Variants in ALDH1L2 observed in about 807,000 individuals in gnomAD.
ALDH1L2 encodes mitochondrial 10-formyltetrahydrofolate dehydrogenase.
Under a neutral mutation model 111.0 loss-of-function variants are expected in ALDH1L2, and 91 were observed. The observed-to-expected ratio is 0.82, with a 90% confidence interval of 0.69 to 0.98. The LOEUF (loss-of-function observed/expected upper bound fraction) is 0.98, where lower values mean the gene tolerates loss of function less well. Ranked by LOEUF, ALDH1L2 falls within the 50% of genes least tolerant of loss-of-function variation. The pLI is 0.00. For missense variants in ALDH1L2, 995 were observed against 1,126.8 expected, an observed-to-expected ratio of 0.88 and a Z score of 1.67; for synonymous variants, 374 against 392.6, an observed-to-expected ratio of 0.95 and a Z score of 0.56.
At chr12:105,058,454 A>C (rs936653702) in intron 9 of ALDH1L2, among the ~76,000 whole-genome samples, 1 of 152,220 alleles carries the variant, frequency 6.6e-6, no homozygotes, top group African/African-American at 2.4e-5. Flanking sequence ...ATGACTAAAA[A>C]TAAAAGCAAT....
chr12:105,046,978 T>A lies in ALDH1L2; in HGVS notation c.1687-9A>T. 3.7e-6 allele frequency: 6 copies of A among 1,612,406 alleles called. No individual in the cohort carries two copies. The highest frequency in any genetic ancestry group is 5.1e-6 in the Non-Finnish European group (6 of 1,178,490). On this transcript the variant is annotated splice_polypyrimidine_tract_variant and intron_variant, in intron 13 of 22. Coordinates refer to ENST00000258494, the MANE Select transcript of ALDH1L2 (RefSeq NM_001034173.4). ...ATTGGAATAGTAGAACCCTAAAGAA[T>A]GAGAAAAGTTGATACTTATTTTACT...
intron 1 of ALDH1L2, among the ~76,000 whole-genome samples, chr12:105,077,419 C>T (rs1475300026): frequency 3.3e-5 from 5 of 151,788 alleles, no homozygotes; most frequent in South Asian, 2.1e-4. Flanking sequence ...TACAGGCGCA[C>T]GCCGTCATGC....
At chr12:105,034,482 G>A (rs1029629133) in intron 18 of ALDH1L2, 84 bp from the exon 19 acceptor site, 13 of 1,226,972 alleles carry the variant, frequency 1.1e-5, no homozygotes, top group Non-Finnish European at 1.5e-5. Flanking sequence ...GGAGTTAGTT[G>A]TTTTTGGAAG....
Position 105,083,713 on chromosome 12 carries a change from GT to G in ALDH1L2, c.48+675del, listed in dbSNP as rs903159519. On this transcript the variant is annotated intron_variant, in intron 1 of 22. Coordinates refer to ENST00000258494, the MANE Select transcript of ALDH1L2 (RefSeq NM_001034173.4). ...CCGCAGTGCAACGTGTCCTCTCTCGGTTCCATTTCTGGAGGAGCTGATGCAA... is the reference window on the plus strand; with the variant it reads ...CCGCAGTGCAACGTGTCCTCTCTCGGTCCATTTCTGGAGGAGCTGATGCAA... Among the ~76,000 whole-genome samples, 79 of 152,096 alleles carry G rather than the reference GT, an allele frequency of 5.2e-4. 1 individual carries two copies. The highest frequency in any genetic ancestry group is 4.2e-4 in the South Asian group (2 of 4,808).
chr12:105,057,432 A>G (rs74481628), intron 10 of ALDH1L2, among the ~76,000 whole-genome samples: 2,282 of 152,294 alleles, frequency 0.015, 23 homozygotes, highest in Non-Finnish European at 0.023. Flanking sequence ...AGACTTGAAA[A>G]CATATGTTCA....
chr12:105,084,419 G>C lies in ALDH1L2; in HGVS notation c.18C>G (p.Ser6Arg), dbSNP rs1878496081. 6.7e-7 allele frequency: 1 copy of C among 1,493,984 alleles called. No individual in the cohort carries two copies. The allele number at this position is 1,493,984 out of a possible 1,614,324, so 92.5% of individuals were successfully genotyped here. A position where few individuals can be genotyped will look rare whatever the true frequency, so the allele number is the denominator to read the frequency against. Reference protein sequence around the residue: MLRRGSQALRRFSTGR... With the variant: MLRRGRQALRRFSTGR... ...CAGTGGAGAAGCGCCGGAGCGCCTG[G>C]CTGCCCCGCCGCAGCATGCTGGAGA... is the stretch of plus-strand genomic sequence containing the variant. The change falls in exon 1 of 23, where the codon AGC (serine) becomes AGG (arginine). Residue 6 changes from serine to arginine, a missense_variant. By Grantham distance (110) the Ser-to-Arg change is moderately radical. Transcript: ENST00000258494.
rs1024085294 is a variant in ALDH1L2 at position 105,052,211 on chromosome 12, A to G, written c.1414T>C (p.Cys472Arg). 6.2e-7 allele frequency: 1 copy of G among 1,601,376 alleles called. No individual in the cohort carries two copies. Among genetic ancestry groups the G allele is most frequent in the Non-Finnish European group, 8.5e-7 (1 of 1,175,544 alleles). ...GCCAAAGAAGCGTAGGATACTTTGC[A>G]TATTGTCTATTTCAAGGTAAGTAAA... Reference protein sequence around the residue: ...TINPTDGSTICKVSYASLADV... With the variant: ...TINPTDGSTIRKVSYASLADV... Residue 472 changes from cysteine (C) to arginine (R), a missense_variant, in exon 12 of 23, where the codon TGC becomes CGC. Physicochemically the swap from Cys to Arg is radical, Grantham distance 180 (BLOSUM62 -3). Coordinates refer to ENST00000258494, the MANE Select transcript of ALDH1L2 (RefSeq NM_001034173.4).
At chr12:105,044,373 G>A (rs1875715258) in intron 15 of ALDH1L2, among the ~76,000 whole-genome samples, 1 of 134,024 alleles carries the variant, frequency 7.5e-6, no homozygotes, top group African/African-American at 2.7e-5. Flanking sequence ...CCAATGCGTG[G>A]TCTCCAACTC....
chr12:105,074,457 C>CAAAAAAAAAAAAAAAAAAA (rs1565974203), intron 1 of ALDH1L2, among the ~76,000 whole-genome samples: 4 of 93,678 alleles, frequency 4.3e-5, no homozygotes, highest in African/African-American at 6.7e-5. Context: ...GACTCTGTCT[C>CAAAAAAAAAAAAAAAAAAA]CAAAAAAAAA....
intron 10 of ALDH1L2, 29 bp from the exon 11 acceptor site, chr12:105,052,960 G>A (rs113526714): frequency 1.2e-6 from 2 of 1,609,306 alleles, no homozygotes; most frequent in African/African-American, 2.7e-5. Context: ...TAGATTCAAT[G>A]GATTTCCGTG....
chr12:105,069,144 G>A (rs1877540504), intron 3 of ALDH1L2, among the ~76,000 whole-genome samples: 1 of 152,068 alleles, frequency 6.6e-6, no homozygotes, highest in South Asian at 2.1e-4. Flanking sequence ...ATTTAAAAAG[G>A]CATTAGAGTC....
chr12:105,048,724 T>G (rs1876069083), intron 13 of ALDH1L2: 1 of 152,126 alleles, frequency 6.6e-6, no homozygotes, highest in Non-Finnish European at 1.5e-5. Flanking sequence ...TTTATCAAAG[T>G]TTTTCTTTAA....
chr12:105,044,600 G>GGCCGGGCGCGGTGGCTCACGCCTGTA (rs1197117266), intron 15 of ALDH1L2, among the ~76,000 whole-genome samples: 118 of 121,886 alleles, frequency 9.7e-4, no homozygotes, highest in Admixed American at 1.1e-3. Flanking sequence ...AAGAGTGGGA[G>GGCCGGGCGCGGTGGCTCACGCCTGTA]ACAGTACTCT....
At chr12:105,035,022 C>T (rs551127228) in intron 18 of ALDH1L2, among the ~76,000 whole-genome samples, 64 of 152,102 alleles carry the variant, frequency 4.2e-4, no homozygotes, top group African/African-American at 1.5e-3. Context: ...CTAGATTATT[C>T]TCTTCTTAAA....
At chr12:105,063,967 C>CCTT in intron 6 of ALDH1L2, among the ~76,000 whole-genome samples, 1 of 135,490 alleles carries the variant, frequency 7.4e-6, no homozygotes, top group South Asian at 2.3e-4. Context: ...TGTATTAATT[C>CCTT]TTTTTTTTTT....
intron 16 of ALDH1L2, among the ~76,000 whole-genome samples, chr12:105,040,314 G>A (rs1875455535): frequency 6.6e-6 from 1 of 151,898 alleles, no homozygotes; most frequent in African/African-American, 2.4e-5. Context: ...AAATAATGAT[G>A]GGTAAGCCTT....
intron 15 of ALDH1L2, among the ~76,000 whole-genome samples, chr12:105,045,126 C>T (rs2136066803): frequency 6.6e-6 from 1 of 152,238 alleles, no homozygotes; most frequent in African/African-American, 2.4e-5. Flanking sequence ...TCTTGTTGCC[C>T]AGGCTGGAGT....
rs1354786766 is a variant in ALDH1L2, at chr12:105,071,629, TATATATATATA to T, written c.194-836_194-826del. ...TATATAAGTAGTATATATATATATA[TATATATATATA>T]TATTTTTTTTTTTTTTTTTTTTTTT... On this transcript the variant is annotated intron_variant, in intron 2 of 22. Coordinates refer to ENST00000258494, the MANE Select transcript of ALDH1L2 (RefSeq NM_001034173.4). Among the ~76,000 whole-genome samples the T allele has an allele frequency of 4.3e-3, 92 of 21,608 alleles. 3 individuals are homozygous for T. The highest frequency in any genetic ancestry group is 0.013 in the East Asian group (9 of 674). 14.2% of individuals were successfully genotyped at this position (21,608 alleles called of 152,430 possible). A position where few individuals can be genotyped will look rare whatever the true frequency, so the allele number is the denominator to read the frequency against.
intron 19 of ALDH1L2, 44 bp from the exon 20 acceptor site, chr12:105,031,978 A>G: frequency 6.3e-7 from 1 of 1,594,056 alleles, no homozygotes; most frequent in Non-Finnish European, 8.6e-7. Flanking sequence ...ACTGTTAATA[A>G]TAATGGAGTT....
Sources: allele counts gnomAD v4.1 joint callset (sites outside exome capture counted in the v4.1 genomes callset), GRCh38; gene constraint gnomAD v4.1.1; transcripts MANE v1.5; gene names NCBI Gene and HGNC (gene_info 2026-07-23, HGNC 2026-07-21).